FBXL20: variants seen among roughly 807,000 people sequenced by gnomAD.
The protein encoded by FBXL20 is F-box and leucine rich repeat protein 20.
FBXL20 carries 11 observed loss-of-function variants against 64.0 expected under a neutral mutation model. That is an observed-to-expected ratio of 0.17 (90% CI 0.11 to 0.28). The LOEUF (loss-of-function observed/expected upper bound fraction) is 0.28, where lower values mean the gene tolerates loss of function less well. Ranked by LOEUF, FBXL20 falls within the 10% of genes least tolerant of loss-of-function variation. The pLI is 1.00. For missense variants in FBXL20, 303 were observed against 526.2 expected, an observed-to-expected ratio of 0.58 and a Z score of 4.15; for synonymous variants, 184 against 189.0, an observed-to-expected ratio of 0.97 and a Z score of 0.22.
At chr17:39,323,775 TTTC>T (rs927489174) in intron 2 of FBXL20, among the ~76,000 whole-genome samples, 1 of 132,438 alleles carries the variant, frequency 7.6e-6, no homozygotes, top group African/African-American at 3.3e-5. Flanking sequence ...ATACTTCTGT[TTTC>T]TTTTTTTTTT....
At chr17:39,278,948 GTTC>G (rs1366814236) in intron 9 of FBXL20, among the ~76,000 whole-genome samples, 1 of 151,528 alleles carries the variant, frequency 6.6e-6, no homozygotes, top group Non-Finnish European at 1.5e-5. Context: ...GAGGTCAGGA[GTTC>G]TAGAGCAGCC....
Position 39,253,372 on chromosome 17 carries a change from A to G in FBXL20, c.*8088T>C, listed in dbSNP as rs1046632. The stretch of plus-strand genomic sequence containing the variant: ...GTTACCTGGAAACAATTCCTAGGAG[A>G]AAAAAGGAGGAGGCCAGAGTAGGAA... On this transcript the variant is annotated 3_prime_UTR_variant, in exon 15 of 15. Coordinates refer to ENST00000264658, the MANE Select transcript of FBXL20 (RefSeq NM_032875.3). 15,042 of 152,412 alleles carry G rather than the reference A, an allele frequency of 0.099. 781 individuals carry two copies. The highest frequency in any genetic ancestry group is 0.13 in the African/African-American group (5,590 of 41,528). 9.4% of individuals were successfully genotyped at this position (152,412 alleles called of 1,614,324 possible).
At chr17:39,334,005 C>T (rs972315476) in intron 2 of FBXL20, among the ~76,000 whole-genome samples, 4 of 152,108 alleles carry the variant, frequency 2.6e-5, no homozygotes, top group Non-Finnish European at 2.9e-5. Flanking sequence ...GCCACGATGA[C>T]GATGGCAGTT....
intron 1 of FBXL20, among the ~76,000 whole-genome samples, chr17:39,378,240 T>G (rs1422740534): frequency 6.6e-6 from 1 of 152,182 alleles, no homozygotes; most frequent in East Asian, 1.9e-4. Flanking sequence ...GCATAGAAAT[T>G]ATTTTAAAAT....
chr17:39,300,385 G>A (rs2047123271), intron 4 of FBXL20, among the ~76,000 whole-genome samples: 1 of 152,108 alleles, frequency 6.6e-6, no homozygotes, highest in South Asian at 2.1e-4. Flanking sequence ...CTACCTTCCT[G>A]ATGAGAAGGA....
At chr17:39,315,278 T>C (rs972524667) in intron 2 of FBXL20, among the ~76,000 whole-genome samples, 4 of 151,934 alleles carry the variant, frequency 2.6e-5, no homozygotes, top group Non-Finnish European at 2.9e-5. Flanking sequence ...ATTTCCCTGA[T>C]GGCTAATGAT....
intron 13 of FBXL20, 100 bp from the exon 14 acceptor site, chr17:39,264,487 T>C: frequency 7.7e-7 from 1 of 1,293,742 alleles, no homozygotes; most frequent in Admixed American, 2.1e-5. Context: ...TGGTTTGATT[T>C]TGATGAATAT....
intron 2 of FBXL20, among the ~76,000 whole-genome samples, chr17:39,315,819 GAGAGAGAGAC>G (rs1434257528): frequency 4.0e-5 from 5 of 125,880 alleles, no homozygotes; most frequent in South Asian, 2.4e-4. Flanking sequence ...GAGAGAGTGA[GAGAGAGAGAC>G]AGAGAGAGAG....
At chr17:39,322,094 G>A in intron 2 of FBXL20, among the ~76,000 whole-genome samples, 1 of 146,308 alleles carries the variant, frequency 6.8e-6, no homozygotes, top group East Asian at 2.0e-4. Context: ...GGAAGGCCAA[G>A]GCAGGAGGAT....
chr17:39,318,792 A>G (rs1194778709), intron 2 of FBXL20, among the ~76,000 whole-genome samples: 1 of 152,128 alleles, frequency 6.6e-6, no homozygotes, highest in Non-Finnish European at 1.5e-5. Flanking sequence ...ATAATGCTGA[A>G]ATAGTTCATA....
At chr17:39,375,415 A>C (rs76568100) in intron 1 of FBXL20, among the ~76,000 whole-genome samples, 4,388 of 152,268 alleles carry the variant, frequency 0.029, 88 homozygotes, top group Middle Eastern at 0.075. Flanking sequence ...AATAACAACA[A>C]AACTGGCAAA....
intron 1 of FBXL20, among the ~76,000 whole-genome samples, chr17:39,348,086 CTT>C (rs3079636): frequency 4.9e-5 from 7 of 143,622 alleles, no homozygotes; most frequent in East Asian, 2.0e-4. Flanking sequence ...TTGGGTTCGT[CTT>C]TTTTTTTTTT....
intron 1 of FBXL20, among the ~76,000 whole-genome samples, chr17:39,360,915 A>G (rs1033952691): frequency 1.3e-5 from 2 of 152,152 alleles, no homozygotes; most frequent in African/African-American, 4.8e-5. Context: ...CAGTTAGTCT[A>G]CATGTATTAA....
chr17:39,283,376 C>CT (rs1401717661), intron 7 of FBXL20, among the ~76,000 whole-genome samples: 1 of 151,842 alleles, frequency 6.6e-6, no homozygotes, highest in African/African-American at 2.4e-5. Flanking sequence ...TGAGCAGTTC[C>CT]TTTGAGTGTC....
chr17:39,313,593 A>T (rs2047256951), intron 2 of FBXL20, among the ~76,000 whole-genome samples: 1 of 152,040 alleles, frequency 6.6e-6, no homozygotes, highest in Non-Finnish European at 1.5e-5. Flanking sequence ...CCAGGGTTTT[A>T]GCTACTACAG....
At position 39,317,713 on chromosome 17, in the gene FBXL20, T is replaced by TG. The variant is rs1284637217; in HGVS notation, c.105-14075_105-14074insC. ...TGTTTTTTTTTTTGTTTTTTTTTTT[T>TG]TTTTTTGAGACGGAGTCTCACTCTG... is the stretch of plus-strand genomic sequence containing the variant. On this transcript the variant is annotated intron_variant, in intron 2 of 14. Coordinates refer to ENST00000264658, the MANE Select transcript of FBXL20 (RefSeq NM_032875.3). Among the ~76,000 whole-genome samples, 3 of 110,298 alleles carry TG rather than the reference T, an allele frequency of 2.7e-5. No individual in the cohort carries two copies. The East Asian group carries it at 7.2e-4, about 26-fold the overall frequency. 72.4% of individuals were successfully genotyped at this position (110,298 alleles called of 152,430 possible).
chr17:39,297,275 T>A, intron 5 of FBXL20, 80 bp from the exon 6 acceptor site: 2 of 766,168 alleles, frequency 2.6e-6, no homozygotes, highest in Non-Finnish European at 4.3e-6. Context: ...AATATATTAT[T>A]ATTGGTAATA....
At chr17:39,333,992 C>T (rs1399435539) in intron 2 of FBXL20, among the ~76,000 whole-genome samples, 2 of 152,116 alleles carry the variant, frequency 1.3e-5, no homozygotes, top group East Asian at 1.9e-4. Flanking sequence ...TCATTGAGAA[C>T]GGGCCACGAT....
intron 1 of FBXL20, among the ~76,000 whole-genome samples, chr17:39,343,919 A>G (rs1033612621): frequency 6.6e-6 from 1 of 151,936 alleles, no homozygotes; most frequent in African/African-American, 2.4e-5. Context: ...GCTGGAGTGC[A>G]GTGGTGCGAT....
Sources: allele counts gnomAD v4.1 joint callset (sites outside exome capture counted in the v4.1 genomes callset), GRCh38; gene constraint gnomAD v4.1.1; transcripts MANE v1.5; gene names NCBI Gene and HGNC (gene_info 2026-07-23, HGNC 2026-07-21).